Variants in RDX observed in about 807,000 individuals in gnomAD.
The protein encoded by RDX is radixin.
A neutral mutation model predicts 83.7 loss-of-function variants in RDX; 32 were observed. That is an observed-to-expected ratio of 0.38 (90% CI 0.29 to 0.51). The LOEUF is 0.51. RDX is among the 20% of genes least tolerant of loss of function. The pLI is 0.87. For synonymous variants in RDX, 229 were observed against 222.7 expected (o/e 1.03, Z -0.25); for missense variants, 600 against 689.9 (o/e 0.87, Z 1.46).
intron 14 of RDX, among the ~76,000 whole-genome samples, chr11:110,212,450 A>G: frequency 1.5e-5 from 1 of 64,684 alleles, no homozygotes; most frequent in Non-Finnish European, 2.9e-5. Context: ...ATTCCAATCA[A>G]TAGAAAAAGA....
At chr11:110,285,585 T>C (rs1384928392) in intron 1 of RDX, among the ~76,000 whole-genome samples, 1 of 151,768 alleles carries the variant, frequency 6.6e-6, no homozygotes, top group Non-Finnish European at 1.5e-5. Flanking sequence ...TGATGGCACA[T>C]GCCTGTAGTC....
At chr11:110,245,438 A>G (rs1203279501) in intron 10 of RDX, among the ~76,000 whole-genome samples, 1 of 152,176 alleles carries the variant, frequency 6.6e-6, no homozygotes, top group Non-Finnish European at 1.5e-5. Context: ...TGTCTCACCA[A>G]AAGAACCCAC....
At chr11:110,256,202 T>G (rs1859539958) in intron 7 of RDX, among the ~76,000 whole-genome samples, 1 of 152,188 alleles carries the variant, frequency 6.6e-6, no homozygotes, top group South Asian at 2.1e-4. Flanking sequence ...CCAGAAGACA[T>G]CTTTTAGCCA....
At chr11:110,285,610 G>C (rs1860949683) in intron 1 of RDX, among the ~76,000 whole-genome samples, 1 of 151,510 alleles carries the variant, frequency 6.6e-6, no homozygotes, top group African/African-American at 2.4e-5. Flanking sequence ...CAACTCAGGA[G>C]GCTGAGGCAG....
intron 14 of RDX, among the ~76,000 whole-genome samples, chr11:110,206,242 G>A (rs1051427434): frequency 8.6e-5 from 11 of 128,228 alleles, no homozygotes; most frequent in Non-Finnish European, 1.6e-5. Flanking sequence ...GGACGACAGA[G>A]TGAGAGTCCA....
chr11:110,187,440 T>G (rs1261369145), intron 15 of RDX, among the ~76,000 whole-genome samples: 2 of 152,188 alleles, frequency 1.3e-5, no homozygotes, highest in African/African-American at 2.4e-5. Context: ...CCTACCCAGA[T>G]AGCCTGAGTT....
rs1012393957 is a variant in RDX at position 110,285,775 on chromosome 11, T to C, written c.-64-6019A>G. Among the ~76,000 whole-genome samples the C allele has an allele frequency of 3.3e-5, 5 of 150,292 alleles. No homozygotes were observed. In the East Asian group the frequency reaches 9.7e-4, roughly 29 times the overall value. On this transcript the variant is annotated intron_variant, in intron 1 of 13. Transcript: ENST00000645495. ...TATAAATATATTAGTATGTTTTTAA[T>C]TGAAACTGGCATCTATTAGTAGCAG...
chr11:110,212,429 C>A (rs1325739672), intron 14 of RDX, among the ~76,000 whole-genome samples: 1 of 66,202 alleles, frequency 1.5e-5, no homozygotes, highest in Non-Finnish European at 2.8e-5. Flanking sequence ...GGTACCATTC[C>A]TTCTGAAACT....
At chr11:110,252,005 T>A (rs1053121747) in intron 9 of RDX, among the ~76,000 whole-genome samples, 3 of 152,206 alleles carry the variant, frequency 2.0e-5, no homozygotes, top group African/African-American at 7.2e-5. Context: ...ATGGGCTTAA[T>A]CAAAATTGTT....
chr11:110,279,876 T>G (rs952822788), intron 1 of RDX, 120 bp from the exon 2 acceptor site: 1 of 531,482 alleles, frequency 1.9e-6, no homozygotes. Flanking sequence ...TAACAAGGAG[T>G]GATTTCATTC....
chr11:110,193,568 C>T (rs1205703093), intron 15 of RDX, among the ~76,000 whole-genome samples: 1 of 152,186 alleles, frequency 6.6e-6, no homozygotes, highest in African/African-American at 2.4e-5. Context: ...TTTCTCCTCT[C>T]AACTGCACAT....
chr11:110,184,386 G>A (rs1591497412), intron 15 of RDX, among the ~76,000 whole-genome samples: 1 of 152,194 alleles, frequency 6.6e-6, no homozygotes, highest in African/African-American at 2.4e-5. Flanking sequence ...TGCCTAAGAG[G>A]TCATATGTTC....
intron 10 of RDX, among the ~76,000 whole-genome samples, chr11:110,239,446 A>G (rs879749963): frequency 3.9e-5 from 6 of 152,238 alleles, no homozygotes; most frequent in Non-Finnish European, 8.8e-5. Context: ...CTAAAAAAGG[A>G]CGAAAAACCA....
intron 14 of RDX, among the ~76,000 whole-genome samples, chr11:110,220,866 AAAC>A (rs1416600245): frequency 6.9e-6 from 1 of 144,960 alleles, no homozygotes; most frequent in Non-Finnish European, 1.5e-5. Context: ...ACCTGGATCT[AAAC>A]AGCCTCTGTA....
chr11:110,194,953 T>C (rs1051641853), intron 15 of RDX, among the ~76,000 whole-genome samples: 1 of 151,472 alleles, frequency 6.6e-6, no homozygotes, highest in Non-Finnish European at 1.5e-5. Flanking sequence ...TTGAAGGCTG[T>C]AAGAGTGACT....
chr11:110,202,800 C>T (rs1253277522), intron 14 of RDX, among the ~76,000 whole-genome samples: 1 of 151,840 alleles, frequency 6.6e-6, no homozygotes, highest in Admixed American at 6.6e-5. Context: ...CATTGAGCAT[C>T]AGAGAAATGC....
At chr11:110,216,541 CT>C (rs11432416) in intron 14 of RDX, among the ~76,000 whole-genome samples, 245 of 136,594 alleles carry the variant, frequency 1.8e-3, no homozygotes, top group Middle Eastern at 4.2e-3. Flanking sequence ...AATTTTTTTT[CT>C]TTTTTTTTTT....
Position 110,231,915 on chromosome 11 carries a change from C to A in RDX, c.1706G>T (p.Arg569Leu). 1.9e-6 allele frequency: 3 copies of A among 1,613,438 alleles called. No homozygotes were observed. Among genetic ancestry groups the A allele is most frequent in the Non-Finnish European group, 1.7e-6 (2 of 1,179,994 alleles). The change falls in exon 14 of 14, where the codon CGA (arginine) becomes CTA (leucine). Residue 569 changes from arginine to leucine, a missense_variant. Coordinates refer to ENST00000645495, the MANE Select transcript of RDX (RefSeq NM_002906.4). ...RDKYKTLRQIRQGNTKQRIDE... is the reference protein window; with the variant it reads ...RDKYKTLRQILQGNTKQRIDE... ...GATACGCTGCTTTGTATTGCCTTGT[C>A]GAATCTGTCGCAGAGTCTTGTACTT...
intron 3 of RDX, among the ~76,000 whole-genome samples, chr11:110,268,312 G>GAA (rs201275055): frequency 2.2e-5 from 3 of 136,586 alleles, no homozygotes; most frequent in Non-Finnish European, 4.8e-5. Flanking sequence ...CTGTTTCGGG[G>GAA]AAAAAAAAAA....
Sources: gnomAD v4.1 joint callset for allele counts (sites outside exome capture counted in the v4.1 genomes callset) on GRCh38, gnomAD v4.1.1 for gene constraint, MANE v1.5 for transcripts, NCBI Gene and HGNC (gene_info 2026-07-23, HGNC 2026-07-21) for gene names.